Variants in DEPDC1B observed in about 807,000 individuals in gnomAD.
DEPDC1B encodes DEP domain-containing protein 1B.
In DEPDC1B, 51 loss-of-function variants were observed where a neutral mutation model predicts 66.5. The observed-to-expected ratio is 0.77, with a 90% CI of 0.61 to 0.97. DEPDC1B has a LOEUF of 0.97. Ranked by LOEUF, DEPDC1B falls within the 50% of genes least tolerant of loss-of-function variation. The pLI is 0.00. For missense variants in DEPDC1B, 552 were observed against 637.1 expected (o/e 0.87, Z 1.44); for synonymous variants, 226 against 223.6 (o/e 1.01, Z -0.10).
At chr5:60,686,672 G>A (rs1442970100) in intron 2 of DEPDC1B, among the ~76,000 whole-genome samples, 2 of 152,172 alleles carry the variant, frequency 1.3e-5, no homozygotes, top group African/African-American at 2.4e-5. Context: ...TCCAGGAGAA[G>A]TACTAAGTTA....
chr5:60,631,885 A>G (rs1752933048), intron 7 of DEPDC1B, among the ~76,000 whole-genome samples: 1 of 152,194 alleles, frequency 6.6e-6, no homozygotes, highest in Admixed American at 6.5e-5. Flanking sequence ...TCCTAAGTTA[A>G]TAAGTGGGGC....
intron 2 of DEPDC1B, among the ~76,000 whole-genome samples, chr5:60,657,169 G>A (rs1345334724): frequency 2.0e-5 from 3 of 152,136 alleles, no homozygotes; most frequent in Non-Finnish European, 4.4e-5. Flanking sequence ...GTTACCTTTA[G>A]TTTATATGAG....
chr5:60,668,616 A>C (rs1229333547), intron 2 of DEPDC1B, among the ~76,000 whole-genome samples: 1 of 152,082 alleles, frequency 6.6e-6, no homozygotes, highest in Non-Finnish European at 1.5e-5. Flanking sequence ...CTATAAGAAA[A>C]AACTTCTGTG....
At chr5:60,688,576 C>T (rs1467802692) in intron 1 of DEPDC1B, among the ~76,000 whole-genome samples, 2 of 152,154 alleles carry the variant, frequency 1.3e-5, no homozygotes, top group Admixed American at 1.3e-4. Context: ...TAAACATTAG[C>T]CATTATAGCA....
At chr5:60,680,785 G>A (rs904649989) in intron 2 of DEPDC1B, among the ~76,000 whole-genome samples, 9 of 152,124 alleles carry the variant, frequency 5.9e-5, no homozygotes, top group African/African-American at 1.7e-4. Context: ...GAATATAAAC[G>A]TGTTGATTAC....
At chr5:60,664,595 C>T (rs1196335694) in intron 2 of DEPDC1B, among the ~76,000 whole-genome samples, 1 of 152,176 alleles carries the variant, frequency 6.6e-6, no homozygotes, top group Non-Finnish European at 1.5e-5. Context: ...TCGAGGGGAC[C>T]TTCTAGAGGT....
chr5:60,610,149 T>C (rs942683582), intron 7 of DEPDC1B, among the ~76,000 whole-genome samples: 2 of 152,230 alleles, frequency 1.3e-5, no homozygotes, highest in African/African-American at 4.8e-5. Context: ...ATGATATGAA[T>C]GAATGAATAC....
chr5:60,647,310 A>C, intron 3 of DEPDC1B, 88 bp downstream of exon 3: 1 of 1,468,434 alleles, frequency 6.8e-7, no homozygotes. Flanking sequence ...ATTATTGTTC[A>C]TAAAGGACCA....
intron 2 of DEPDC1B, among the ~76,000 whole-genome samples, chr5:60,681,521 C>T (rs1754295771): frequency 6.6e-6 from 1 of 152,148 alleles, no homozygotes. Context: ...CCTACAAAAG[C>T]CAATCCATAA....
intron 7 of DEPDC1B, among the ~76,000 whole-genome samples, chr5:60,613,372 T>A (rs549849043): frequency 1.3e-5 from 2 of 152,318 alleles, no homozygotes; most frequent in South Asian, 4.1e-4. Flanking sequence ...AAATATATAC[T>A]TGAGAATCAT....
intron 7 of DEPDC1B, among the ~76,000 whole-genome samples, chr5:60,620,389 A>C (rs1352617865): frequency 6.6e-6 from 1 of 152,214 alleles, no homozygotes; most frequent in African/African-American, 2.4e-5. Flanking sequence ...CAATCTATTC[A>C]TCTGACAAAG....
intron 7 of DEPDC1B, among the ~76,000 whole-genome samples, chr5:60,637,399 T>C (rs1048452667): frequency 6.6e-6 from 1 of 152,174 alleles, no homozygotes; most frequent in Non-Finnish European, 1.5e-5. Flanking sequence ...TGCTCCCGTT[T>C]TGCCTTCTGC....
chr5:60,617,656 C>T (rs895272902), intron 7 of DEPDC1B, among the ~76,000 whole-genome samples: 2 of 152,162 alleles, frequency 1.3e-5, no homozygotes, highest in African/African-American at 4.8e-5. Context: ...TAGAGACCTA[C>T]TAAGAGACGT....
intron 7 of DEPDC1B, among the ~76,000 whole-genome samples, chr5:60,613,788 T>TTG (rs36109910): frequency 0.091 from 9,451 of 103,306 alleles, 334 homozygotes; most frequent in South Asian, 0.12. Context: ...ACATATGTAT[T>TTG]TGTGTGTGTG....
chr5:60,644,628 T>C, intron 5 of DEPDC1B, 117 bp downstream of exon 5: 3 of 773,636 alleles, frequency 3.9e-6, no homozygotes, highest in Non-Finnish European at 5.8e-6. Context: ...AGAAAGAATA[T>C]ACGTAATGAA....
At chr5:60,699,185 G>C (rs141890674) in intron 1 of DEPDC1B, among the ~76,000 whole-genome samples, 83 of 152,196 alleles carry the variant, frequency 5.5e-4, no homozygotes, top group African/African-American at 1.9e-3. Context: ...GAGTCTAGCT[G>C]AGTAAGAGTT....
chr5:60,604,761 C>T (rs1256969983), intron 8 of DEPDC1B, among the ~76,000 whole-genome samples: 3 of 152,070 alleles, frequency 2.0e-5, no homozygotes, highest in African/African-American at 4.8e-5. Context: ...ACTCTGTGAT[C>T]GCCTTGAAAC....
intron 4 of DEPDC1B, 61 bp from the exon 5 acceptor site, chr5:60,644,936 C>T (rs183114104): frequency 7.6e-7 from 1 of 1,308,310 alleles, no homozygotes. Context: ...ACTCAAAAAC[C>T]TGGTACTACA....
rs1754680485 is a variant in DEPDC1B at position 60,697,353 on chromosome 5, T to A, written c.48+2693A>T. Among the ~76,000 whole-genome samples, 4 of 152,012 alleles carry A rather than the reference T, an allele frequency of 2.6e-5. No homozygotes were observed. The South Asian group carries it at 8.3e-4, about 32-fold the overall frequency. On this transcript the variant is annotated intron_variant, in intron 1 of 10. Transcript: ENST00000265036. ...TAAAGTGAGCCATGAAAGGAGAAAA[T>A]AAAGGCCTAGTTTTTGTATCCCAAT...
Sources: allele counts gnomAD v4.1 joint callset (sites outside exome capture counted in the v4.1 genomes callset), GRCh38; gene constraint gnomAD v4.1.1; transcripts MANE v1.5; gene names NCBI Gene and HGNC (gene_info 2026-07-23, HGNC 2026-07-21).